The following FMN1 variants were observed in gnomAD, a reference collection of about 807,000 sequenced individuals.
FMN1 encodes formin 1.
A neutral mutation model predicts 132.4 loss-of-function variants in FMN1; 110 were observed. The observed-to-expected ratio is 0.83, with a 90% CI of 0.71 to 0.97. The LOEUF (loss-of-function observed/expected upper bound fraction) is 0.97, where lower values mean the gene tolerates loss of function less well. FMN1 is among the 50% of genes least tolerant of loss of function. The pLI is 0.00. For missense variants in FMN1, 1,792 were observed against 1,705.3 expected, an observed-to-expected ratio of 1.05 and a Z score of -0.90; for synonymous variants, 722 against 651.7, an observed-to-expected ratio of 1.11 and a Z score of -1.64.
chr15:32,806,639 C>T (rs547613018), intron 17 of FMN1, among the ~76,000 whole-genome samples: 66 of 152,272 alleles, frequency 4.3e-4, no homozygotes, highest in African/African-American at 1.5e-3. Flanking sequence ...GTGGCATTAC[C>T]TCCTCTTTCC....
chr15:33,070,519 G>T (rs2037958570), intron 5 of FMN1, among the ~76,000 whole-genome samples: 1 of 151,834 alleles, frequency 6.6e-6, no homozygotes, highest in Admixed American at 6.6e-5. Context: ...AGGGGCTACT[G>T]GCCCTTCTGC....
chr15:32,973,501 A>T (rs188021364), intron 7 of FMN1, among the ~76,000 whole-genome samples: 2 of 152,310 alleles, frequency 1.3e-5, no homozygotes, highest in Admixed American at 6.5e-5. Context: ...TCCATGTACC[A>T]TACACCAATA....
chr15:33,123,548 C>T (rs908210217), intron 4 of FMN1, among the ~76,000 whole-genome samples: 10 of 152,032 alleles, frequency 6.6e-5, no homozygotes, highest in Non-Finnish European at 1.0e-4. Context: ...TCTATTTCAC[C>T]CTAAAACCAA....
At chr15:33,040,154 T>C (rs1355663052) in intron 6 of FMN1, among the ~76,000 whole-genome samples, 3 of 152,226 alleles carry the variant, frequency 2.0e-5, no homozygotes, top group Non-Finnish European at 2.9e-5. Context: ...AAACAAGTGC[T>C]ACTCTGTCTT....
chr15:33,154,538 A>G lies in FMN1; in HGVS notation c.377T>C (p.Leu126Pro), dbSNP rs1363178662. 1.3e-6 allele frequency: 2 copies of G among 1,536,100 alleles called. No homozygotes were observed. Among genetic ancestry groups the G allele is most frequent in the South Asian group, 2.4e-5 (2 of 84,058 alleles). Residue 126 changes from leucine to proline, a missense_variant, in exon 4 of 21, where the codon CTG becomes CCG. Coordinates refer to ENST00000616417, the MANE Select transcript of FMN1 (RefSeq NM_001277313.2). ...CTGGAAACAGTCATCCTCGGGGGCC[A>G]GGCTCACGGACAGCTCTTGCAGCTT... Reference protein sequence around the residue: ...EGKLQELSVSLAPEDDCFQSA... With the variant: ...EGKLQELSVSPAPEDDCFQSA...
chr15:32,830,129 G>A (rs920815603), intron 17 of FMN1, among the ~76,000 whole-genome samples: 2 of 151,902 alleles, frequency 1.3e-5, no homozygotes, highest in South Asian at 4.2e-4. Flanking sequence ...CAAAATTTGG[G>A]GGATCTGGAA....
rs60572324 is a variant in FMN1 at position 33,038,955 on chromosome 15, G to A, written c.2161+26002C>T. On this transcript the variant is annotated intron_variant, in intron 6 of 20. Coordinates refer to ENST00000616417, the MANE Select transcript of FMN1 (RefSeq NM_001277313.2). ...TAGCACCCTCCTATATACAAAATGT[G>A]TGGGTATCTTGTTAAAAAGGCAGAT... Among the ~76,000 whole-genome samples the A allele has an allele frequency of 8.7e-3, 1,317 of 151,840 alleles. 23 individuals are homozygous for A. Among genetic ancestry groups the A allele is most frequent in the African/African-American group, 0.031 (1,258 of 41,112 alleles).
Position 33,153,837 on chromosome 15 carries a change from C to A in FMN1, c.1078G>T (p.Ala360Ser). 1 of 1,536,566 alleles carries A rather than the reference C, an allele frequency of 6.5e-7. No homozygotes were observed. Among genetic ancestry groups the A allele is most frequent in the Non-Finnish European group, 8.7e-7 (1 of 1,147,016 alleles). The change falls in exon 4 of 21, where the codon GCC becomes TCC. Residue 360 changes from alanine to serine, a missense_variant. By Grantham distance (99) the Ala-to-Ser change is moderately conservative. Around this residue, in one of 3 missense-constraint regions of FMN1, gnomAD observed 638 missense variants for 645.2 expected, o/e 0.99. Transcript: ENST00000616417. Reference sequence around the variant, plus strand: ...GCTTTGGGTACAAACTCAGCGTGGGCTGCTGGGCGAATGGCAATCGTCTCC... The same window carrying A: ...GCTTTGGGTACAAACTCAGCGTGGGATGCTGGGCGAATGGCAATCGTCTCC... ...GKETIAIRPA[A>S]HAEFVPKADL...
At chr15:33,024,387 C>A (rs1415252248) in intron 6 of FMN1, among the ~76,000 whole-genome samples, 1 of 151,942 alleles carries the variant, frequency 6.6e-6, no homozygotes, top group African/African-American at 2.4e-5. Context: ...GCCAGGACTA[C>A]AGGCGTCCGC....
intron 5 of FMN1, among the ~76,000 whole-genome samples, chr15:33,075,805 C>A (rs72721470): frequency 0.072 from 10,957 of 152,288 alleles, 566 homozygotes; most frequent in Non-Finnish European, 0.11. Flanking sequence ...AGACAATGAG[C>A]AAGCCTGGGT....
chr15:32,992,670 T>C (rs563824227), intron 7 of FMN1, among the ~76,000 whole-genome samples: 12 of 152,218 alleles, frequency 7.9e-5, no homozygotes, highest in Non-Finnish European at 1.5e-4. Flanking sequence ...TCTTCTAATA[T>C]CCTAATCATT....
At chr15:32,798,456 A>G (rs1308930245) in intron 19 of FMN1, among the ~76,000 whole-genome samples, 3 of 152,206 alleles carry the variant, frequency 2.0e-5, no homozygotes, top group African/African-American at 4.8e-5. Flanking sequence ...TTATTTGTCT[A>G]TACTGTCTGC....
At position 32,961,928 on chromosome 15, in the gene FMN1, G is replaced by A. The variant is rs1567469071; in HGVS notation, c.3138+2179C>T. ...AAGCTGGTGCCTCTCAAGTTTTTGA[G>A]TCCTTGAGTCACTACTCAGAAGCCA... On this transcript the variant is annotated intron_variant, in intron 9 of 20. Coordinates refer to ENST00000616417, the MANE Select transcript of FMN1 (RefSeq NM_001277313.2). Among the ~76,000 whole-genome samples, 6 of 152,110 alleles carry A rather than the reference G, an allele frequency of 3.9e-5. No individual in the cohort carries two copies. The South Asian group carries it at 1.2e-3, about 32-fold the overall frequency.
At position 32,806,832 on chromosome 15, in the gene FMN1, T is replaced by C. The variant is rs79134506; in HGVS notation, c.3929-2500A>G. Among the ~76,000 whole-genome samples, 735 of 152,284 alleles carry C rather than the reference T, an allele frequency of 4.8e-3. 32 individuals carry two copies. The East Asian group carries it at 0.11, about 22-fold the overall frequency. ...GAAGTATCTCCTTCTCCAGCTTCCG[T>C]AAATAAAAGACCATCCCTTGCCACT... On this transcript the variant is annotated intron_variant, in intron 17 of 20. Transcript: ENST00000616417.
intron 17 of FMN1, among the ~76,000 whole-genome samples, chr15:32,828,859 T>C (rs1374316669): frequency 6.6e-6 from 1 of 152,238 alleles, no homozygotes. Flanking sequence ...CAACGTCTTT[T>C]ACTTAAGGAT....
intron 17 of FMN1, among the ~76,000 whole-genome samples, chr15:32,820,237 C>A (rs57264322): frequency 6.6e-6 from 1 of 152,076 alleles, no homozygotes; most frequent in African/African-American, 2.4e-5. Flanking sequence ...ACTCCCTCTA[C>A]TATAAAAAGT....
Position 32,778,157 on chromosome 15 carries a change from A to ATTATATATTATATAATACATTTAT in FMN1, c.4131-1262_4131-1239dup, listed in dbSNP as rs71424672. On this transcript the variant is annotated intron_variant, in intron 19 of 20. Coordinates refer to ENST00000616417, the MANE Select transcript of FMN1 (RefSeq NM_001277313.2). ...ATTATGTATAATATATAATACATTT[A>ATTATATATTATATAATACATTTAT]TTATATATTATATAATACATTTATT... Among the ~76,000 whole-genome samples, 158 of 114,530 alleles carry ATTATATATTATATAATACATTTAT rather than the reference A, an allele frequency of 1.4e-3. 7 individuals are homozygous for ATTATATATTATATAATACATTTAT. Among genetic ancestry groups the ATTATATATTATATAATACATTTAT allele is most frequent in the African/African-American group, 4.6e-3 (118 of 25,912 alleles). 75.1% of individuals were successfully genotyped at this position (114,530 alleles called of 152,430 possible).
At chr15:32,957,315 T>TTTTTTG (rs751350042) in intron 9 of FMN1, among the ~76,000 whole-genome samples, 3,281 of 145,294 alleles carry the variant, frequency 0.023, 46 homozygotes, top group Non-Finnish European at 0.033. Flanking sequence ...TTTTTTTTTT[T>TTTTTTG]TTTTTTTTTT....
chr15:32,794,320 C>A (rs924051927), intron 19 of FMN1, among the ~76,000 whole-genome samples: 2 of 152,014 alleles, frequency 1.3e-5, no homozygotes, highest in Admixed American at 1.3e-4. Flanking sequence ...CATTACTTAC[C>A]CATTATGGGG....
Sources: gnomAD v4.1 joint callset for allele counts (sites outside exome capture counted in the v4.1 genomes callset) on GRCh38, gnomAD v4.1.1 for gene constraint, gnomAD v4.1.1 regional missense constraint, MANE v1.5 for transcripts, NCBI Gene and HGNC (gene_info 2026-07-23, HGNC 2026-07-21) for gene names.